SEPTIN11: variants seen among roughly 807,000 people sequenced by gnomAD.
The protein encoded by SEPTIN11 is septin-11.
In SEPTIN11, 25 loss-of-function variants were observed where a neutral mutation model predicts 51.4. The ratio of observed to expected loss-of-function variants is 0.49; its 90% CI spans 0.35 to 0.68. SEPTIN11 has a LOEUF of 0.68. SEPTIN11 is among the 30% of genes least tolerant of loss of function. The probability of loss-of-function intolerance (pLI) is 0.00; values close to 1 mark genes in which losing one functional copy is unlikely to be tolerated. For synonymous variants in SEPTIN11, 174 were observed against 184.1 expected, an observed-to-expected ratio of 0.95 and a Z score of 0.44; for missense variants, 381 against 520.8, an observed-to-expected ratio of 0.73 and a Z score of 2.61.
chr4:76,967,734 T>C (rs1490773490), intron 1 of SEPTIN11, among the ~76,000 whole-genome samples: 3 of 111,014 alleles, frequency 2.7e-5, no homozygotes, highest in Middle Eastern at 5.1e-3. Context: ...AAAGGAACCA[T>C]TAATAGTTTT....
chr4:77,016,659 C>CACATAT (rs1553975155), intron 5 of SEPTIN11, among the ~76,000 whole-genome samples: 10 of 65,728 alleles, frequency 1.5e-4, no homozygotes, highest in African/African-American at 5.3e-4. Context: ...TATATATACA[C>CACATAT]ATATATATAT....
intron 1 of SEPTIN11, among the ~76,000 whole-genome samples, chr4:76,958,311 C>G (rs956214458): frequency 1.3e-5 from 2 of 152,212 alleles, no homozygotes; most frequent in Non-Finnish European, 2.9e-5. Context: ...GGGCAACCCC[C>G]TTGAGATGGT....
chr4:77,000,356 A>C (rs1724031093), intron 2 of SEPTIN11, among the ~76,000 whole-genome samples: 1 of 152,226 alleles, frequency 6.6e-6, no homozygotes, highest in African/African-American at 2.4e-5. Context: ...TTTCCAGGAA[A>C]GGATGTAAAT....
chr4:77,016,655 T>TATATATATATATATATATATATAC (rs1553975019), intron 5 of SEPTIN11, among the ~76,000 whole-genome samples: 5 of 109,020 alleles, frequency 4.6e-5, no homozygotes, highest in South Asian at 2.8e-4. Flanking sequence ...TATATATATA[T>TATATATATATATATATATATATAC]ACACATATAT....
At chr4:76,989,995 C>T (rs551078421) in intron 1 of SEPTIN11, among the ~76,000 whole-genome samples, 4 of 152,098 alleles carry the variant, frequency 2.6e-5, no homozygotes, top group East Asian at 1.9e-4. Context: ...GAGTGCGCAG[C>T]GGCAAGATTT....
At position 77,001,345 on chromosome 4, in the gene SEPTIN11, A is replaced by T. The variant is rs974833065; in HGVS notation, c.143-4256A>T. On this transcript the variant is annotated intron_variant, in intron 2 of 9. Transcript: ENST00000264893. ...ATCACCATGATCATTTTTGTTTTCA[A>T]TTAACTTTTTTTTTTTTTTAAAGAT... Among the ~76,000 whole-genome samples, 4 of 124,466 alleles carry T rather than the reference A, an allele frequency of 3.2e-5. No individual in the cohort carries two copies. The Admixed American group carries it at 3.7e-4, about 11-fold the overall frequency. 81.7% of individuals were successfully genotyped at this position (124,466 alleles called of 152,430 possible). A position where few individuals can be genotyped will look rare whatever the true frequency, so the allele number is the denominator to read the frequency against.
chr4:76,971,756 A>G (rs1206061491), intron 1 of SEPTIN11, among the ~76,000 whole-genome samples: 8 of 152,180 alleles, frequency 5.3e-5, no homozygotes, highest in African/African-American at 1.4e-4. Flanking sequence ...TATTCACTTG[A>G]GAAAGCAGGA....
At chr4:76,974,558 T>C in intron 1 of SEPTIN11, 1 of 345,698 alleles carries the variant, frequency 2.9e-6, no homozygotes, top group South Asian at 2.3e-5. Context: ...CCCCTGACAC[T>C]TGCCCACACT....
chr4:76,995,587 G>A (rs1723655964), intron 1 of SEPTIN11, among the ~76,000 whole-genome samples: 1 of 151,874 alleles, frequency 6.6e-6, no homozygotes, highest in African/African-American at 2.4e-5. Context: ...TATAACTGAG[G>A]GACTGTAGCT....
chr4:76,995,649 C>T (rs1723662070), intron 1 of SEPTIN11: 5 of 654,544 alleles, frequency 7.6e-6, no homozygotes, highest in Non-Finnish European at 9.4e-6. Flanking sequence ...CCAACACCCA[C>T]GGGATGCATT....
At chr4:77,013,692 GTCTT>G (rs1725028133) in intron 4 of SEPTIN11, among the ~76,000 whole-genome samples, 1 of 152,154 alleles carries the variant, frequency 6.6e-6, no homozygotes, top group African/African-American at 2.4e-5. Context: ...TGAAGAATAG[GTCTT>G]TCTCTCAGCA....
At chr4:77,019,359 A>T in intron 6 of SEPTIN11, 98 bp downstream of exon 6, 17 of 975,318 alleles carry the variant, frequency 1.7e-5, no homozygotes, top group Non-Finnish European at 2.4e-5. Context: ...GGCCCTCAAC[A>T]GTGGGCTGGC....
chr4:77,037,255 G>T lies in SEPTIN11; in HGVS notation c.*2743G>T. Reference sequence around the variant, plus strand: ...CACGTGCCTGTAGTCCCAGCTACTTGGGAGGCTAAGTCAGGAGAATTGCTT... The same window carrying T: ...CACGTGCCTGTAGTCCCAGCTACTTTGGAGGCTAAGTCAGGAGAATTGCTT... On this transcript the variant is annotated 3_prime_UTR_variant, in exon 10 of 10. Coordinates refer to ENST00000264893, the MANE Select transcript of SEPTIN11 (RefSeq NM_018243.4). 1.6e-6 allele frequency: 1 copy of T among 622,864 alleles called. No individual in the cohort carries two copies. The highest frequency in any genetic ancestry group is 2.0e-6 in the Non-Finnish European group (1 of 499,142). The allele number at this position is 622,864 out of a possible 1,614,324, so 38.6% of individuals were successfully genotyped here. A position where few individuals can be genotyped will look rare whatever the true frequency, so the allele number is the denominator to read the frequency against.
At chr4:76,975,573 T>G (rs1268751150) in intron 1 of SEPTIN11, among the ~76,000 whole-genome samples, 5 of 152,212 alleles carry the variant, frequency 3.3e-5, no homozygotes. Context: ...ATTTTGCAAA[T>G]TTCTTTAATG....
intron 3 of SEPTIN11, among the ~76,000 whole-genome samples, chr4:77,011,335 A>G (rs1405018603): frequency 6.6e-6 from 1 of 152,182 alleles, no homozygotes; most frequent in Non-Finnish European, 1.5e-5. Context: ...AGCAGGAAAG[A>G]ATGCCACAGT....
chr4:77,007,569 A>C (rs778201065), intron 3 of SEPTIN11, among the ~76,000 whole-genome samples: 8 of 152,226 alleles, frequency 5.3e-5, no homozygotes, highest in Non-Finnish European at 2.9e-5. Context: ...AACAGTTAGC[A>C]CAATGCATAT....
chr4:76,998,890 G>T lies in SEPTIN11; in HGVS notation c.142+2351G>T, dbSNP rs565190394. 1.2e-4 allele frequency among the ~76,000 whole-genome samples: 19 copies of T among 152,214 alleles called. No individual in the cohort carries two copies. In the East Asian group the frequency reaches 3.1e-3, roughly 25 times the overall value. ...CAGGACTTAGTTACATGCTCAGCCTGGGGGGAAGATGGAGTCAGTTCACTC... is the reference window on the plus strand; with the variant it reads ...CAGGACTTAGTTACATGCTCAGCCTTGGGGGAAGATGGAGTCAGTTCACTC... On this transcript the variant is annotated intron_variant, in intron 2 of 9. Transcript: ENST00000264893.
intron 1 of SEPTIN11, among the ~76,000 whole-genome samples, chr4:76,990,595 A>G (rs918866689): frequency 1.1e-4 from 17 of 152,188 alleles, no homozygotes. Flanking sequence ...TGAACTGTGC[A>G]TGGGAGAGAT....
intron 8 of SEPTIN11, among the ~76,000 whole-genome samples, chr4:77,029,284 T>G (rs979935687): frequency 6.6e-6 from 1 of 152,168 alleles, no homozygotes; most frequent in Non-Finnish European, 1.5e-5. Flanking sequence ...ATTAACTGCT[T>G]CCTAGAAGTT....
Sources: gnomAD v4.1 joint callset for allele counts (sites outside exome capture counted in the v4.1 genomes callset) on GRCh38, gnomAD v4.1.1 for gene constraint, MANE v1.5 for transcripts, NCBI Gene and HGNC (gene_info 2026-07-23, HGNC 2026-07-21) for gene names.